The following RANGAP1 variants were observed in gnomAD, a reference collection of about 807,000 sequenced individuals.
The protein encoded by RANGAP1 is Ran GTPase activating protein 1.
A neutral mutation model predicts 63.5 loss-of-function variants in RANGAP1; 38 were observed. The observed-to-expected ratio is 0.60, with a 90% CI of 0.46 to 0.78. The LOEUF (loss-of-function observed/expected upper bound fraction) is 0.78, where lower values mean the gene tolerates loss of function less well. Among genes scored for constraint, RANGAP1 ranks in the 30% least tolerant of loss-of-function variants. The pLI is 0.00. For missense variants in RANGAP1, 630 were observed against 740.3 expected (o/e 0.85, Z 1.73); for synonymous variants, 329 against 310.5 (o/e 1.06, Z -0.63).
the RANGAP1 span, among the ~76,000 whole-genome samples, chr22:41,292,741 G>A: frequency 7.9e-5 from 12 of 151,712 alleles, 1 homozygote; most frequent in Admixed American, 6.6e-4. Context: ...GTGAGACTCC[G>A]TCTCAAAATA....
the RANGAP1 span, among the ~76,000 whole-genome samples, chr22:41,295,696 TAAAA>T: frequency 3.3e-5 from 4 of 122,234 alleles, no homozygotes; most frequent in African/African-American, 6.5e-5. Context: ...AATGATCAAT[TAAAA>T]AAAAAAAAAA....
intron 5 of RANGAP1, 142 bp from the exon 6 acceptor site, chr22:41,261,722 C>T (rs753410886): frequency 1.3e-5 from 12 of 911,924 alleles, no homozygotes; most frequent in Non-Finnish European, 2.0e-5. Flanking sequence ...AACAGCTCAA[C>T]AGTCACACCT....
At position 41,272,584 on chromosome 22, in the gene RANGAP1, G is replaced by T. The variant is rs764490050; in HGVS notation, c.240+2016C>A. Among the ~76,000 whole-genome samples, 5 of 152,068 alleles carry T rather than the reference G, an allele frequency of 3.3e-5. 1 individual carries two copies. In the East Asian group the frequency reaches 5.8e-4, roughly 18 times the overall value. ...TTGCTAGGCTGGAGGGCAGTGGCGT[G>T]ATCTTGGCTCACTGCAACCTCTGCC... On this transcript the variant is annotated intron_variant, in intron 3 of 15. Coordinates refer to ENST00000356244, the MANE Select transcript of RANGAP1 (RefSeq NM_002883.4).
chr22:41,289,357 C>T (rs2035810567), upstream of RANGAP1, among the ~76,000 whole-genome samples: 1 of 152,188 alleles, frequency 6.6e-6, no homozygotes, highest in East Asian at 1.9e-4. Context: ...CACAGTGGCT[C>T]ATGCCTGTAA....
At chr22:41,273,720 T>A (rs1477497902) in intron 3 of RANGAP1, among the ~76,000 whole-genome samples, 1 of 125,950 alleles carries the variant, frequency 7.9e-6, no homozygotes, top group Non-Finnish European at 1.6e-5. Flanking sequence ...CAAGCCAAGA[T>A]CGCACCACTG....
rs150733249 is a variant in RANGAP1 at position 41,254,057 on chromosome 22, G to A, written c.1260+251C>T. Among the ~76,000 whole-genome samples the A allele has an allele frequency of 2.2e-4, 33 of 148,754 alleles. 1 individual carries two copies. The highest frequency in any genetic ancestry group is 7.7e-4 in the African/African-American group (31 of 40,302). The stretch of plus-strand genomic sequence containing the variant: ...CGGGAGGCAGAGGTTGCAGTGAGCC[G>A]AGATCACACCACTGCACTCCAGCCT... On this transcript the variant is annotated intron_variant, in intron 11 of 15. Transcript: ENST00000356244.
intron 2 of RANGAP1, among the ~76,000 whole-genome samples, chr22:41,279,974 T>C (rs1447665404): frequency 6.6e-6 from 1 of 151,844 alleles, no homozygotes; most frequent in African/African-American, 2.4e-5. Context: ...GGTGGGCGCC[T>C]GTAATCCCAG....
At chr22:41,252,746 G>T in intron 12 of RANGAP1, 126 bp downstream of exon 12, 2 of 1,177,758 alleles carry the variant, frequency 1.7e-6, no homozygotes, top group Non-Finnish European at 2.2e-6. Flanking sequence ...AACAGTGGCA[G>T]GCCAAGCCTC....
In RANGAP1 at chr22:41,246,676, C is replaced by T. The variant is rs572988327; in HGVS notation, c.1695-4G>A. 104 of 1,560,916 alleles carry T rather than the reference C, an allele frequency of 6.7e-5. 2 individuals carry two copies. The South Asian group carries it at 1.1e-3, about 17-fold the overall frequency. On this transcript the variant is annotated splice_polypyrimidine_tract_variant and splice_region_variant and intron_variant, in intron 15 of 15. Transcript: ENST00000356244. ...GGATTCCAGGGCGCTGTTGGGCCTG[C>T]GGGGAAAGAGGGGTCAGCAGGTCGG...
At chr22:41,254,544 T>C (rs115588161) in intron 10 of RANGAP1, 50 bp from the exon 11 acceptor site, 13 of 1,533,226 alleles carry the variant, frequency 8.5e-6, no homozygotes, top group Admixed American at 7.7e-5. Flanking sequence ...GCAGCCCAGG[T>C]TGGCTCTAAG....
chr22:41,270,830 G>A (rs1300500920), intron 3 of RANGAP1, among the ~76,000 whole-genome samples: 1 of 152,214 alleles, frequency 6.6e-6, no homozygotes, highest in Non-Finnish European at 1.5e-5. Context: ...CCTGCACGTG[G>A]GTCCACAGGG....
chr22:41,256,458 C>A (rs2033841199), intron 8 of RANGAP1, among the ~76,000 whole-genome samples, 168 bp from the exon 9 acceptor site: 1 of 152,196 alleles, frequency 6.6e-6, no homozygotes, highest in South Asian at 2.1e-4. Context: ...GCCCTGCAGC[C>A]AACGATGAGT....
At chr22:41,271,475 T>C (rs1374155107) in intron 3 of RANGAP1, among the ~76,000 whole-genome samples, 4 of 149,682 alleles carry the variant, frequency 2.7e-5, no homozygotes, top group African/African-American at 4.9e-5. Context: ...GGCGGGCGGA[T>C]CACAAGGTCA....
At position 41,245,090 on chromosome 22, in the gene RANGAP1, C is replaced by T. The variant is rs1044121986; in HGVS notation, c.*1513G>A. Among the ~76,000 whole-genome samples, 1 of 152,216 alleles carries T rather than the reference C, an allele frequency of 6.6e-6. No individual in the cohort carries two copies. Among genetic ancestry groups the T allele is most frequent in the African/African-American group, 2.4e-5 (1 of 41,440 alleles). On this transcript the variant is annotated 3_prime_UTR_variant, in exon 16 of 16. Coordinates refer to ENST00000356244, the MANE Select transcript of RANGAP1 (RefSeq NM_002883.4). Reference sequence around the variant, plus strand: ...ATCAGAACTTAATGCCAGCCCCACACCCACCCCCTACCGTATCAACTCACA... The same window carrying T: ...ATCAGAACTTAATGCCAGCCCCACATCCACCCCCTACCGTATCAACTCACA...
intron 3 of RANGAP1, among the ~76,000 whole-genome samples, chr22:41,273,228 T>A (rs1019856927): frequency 9.9e-5 from 15 of 152,148 alleles, no homozygotes; most frequent in Admixed American, 8.5e-4. Context: ...ACCCCAGCCA[T>A]GCACATATGA....
At chr22:41,247,072 T>G (rs1033224459) in intron 15 of RANGAP1, among the ~76,000 whole-genome samples, 6 of 152,196 alleles carry the variant, frequency 3.9e-5, no homozygotes, top group Non-Finnish European at 7.3e-5. Flanking sequence ...TCTTTTTTTT[T>G]TGAGACGGAG....
the RANGAP1 span, among the ~76,000 whole-genome samples, chr22:41,298,807 A>G: frequency 1.4e-3 from 210 of 151,984 alleles, no homozygotes; most frequent in Middle Eastern, 6.8e-3. Context: ...TACTCACATT[A>G]CCCCCATCTT....
At chr22:41,263,401 T>G (rs1332125332) in intron 5 of RANGAP1, among the ~76,000 whole-genome samples, 1 of 152,258 alleles carries the variant, frequency 6.6e-6, no homozygotes, top group Non-Finnish European at 1.5e-5. Flanking sequence ...TTTGTTTTTT[T>G]GAGACGGAGT....
At chr22:41,282,522 G>C (rs550838052) in intron 1 of RANGAP1, 1 of 152,210 alleles carries the variant, frequency 6.6e-6, no homozygotes, top group East Asian at 1.9e-4. Context: ...GGGTTTCACC[G>C]TGTGTTAGCC....
Sources: gnomAD v4.1 joint callset for allele counts (sites outside exome capture counted in the v4.1 genomes callset) on GRCh38, gnomAD v4.1.1 for gene constraint, MANE v1.5 for transcripts, NCBI Gene and HGNC (gene_info 2026-07-23, HGNC 2026-07-21) for gene names.